Variants in PAX5 observed in about 807,000 individuals in gnomAD.
PAX5 encodes paired box 5.
Under a neutral mutation model 43.7 loss-of-function variants are expected in PAX5, and 9 were observed. The observed-to-expected ratio is 0.21, with a 90% CI of 0.12 to 0.36. PAX5 has a LOEUF of 0.36. Ranked by LOEUF, PAX5 falls within the 10% of genes least tolerant of loss-of-function variation. PAX5 has a pLI of 1.00. For missense variants in PAX5, 383 were observed against 532.7 expected, an observed-to-expected ratio of 0.72 and a Z score of 2.77; for synonymous variants, 228 against 214.3, an observed-to-expected ratio of 1.06 and a Z score of -0.56.
chr9:36,934,354 T>C (rs1287443004), intron 6 of PAX5, among the ~76,000 whole-genome samples: 2 of 152,226 alleles, frequency 1.3e-5, no homozygotes, highest in African/African-American at 2.4e-5. Flanking sequence ...ATAAATACTT[T>C]GAAAATGTCT....
At position 36,984,435 on chromosome 9, in the gene PAX5, C is replaced by CTTTTTTTTTTTTTTT. The variant is rs10663927; in HGVS notation, c.605-17726_605-17712dup. Among the ~76,000 whole-genome samples, 7 of 66,882 alleles carry CTTTTTTTTTTTTTTT rather than the reference C, an allele frequency of 1.0e-4. 2 individuals carry two copies. Among genetic ancestry groups the CTTTTTTTTTTTTTTT allele is most frequent in the African/African-American group, 1.3e-4 (2 of 15,110 alleles). 43.9% of individuals were successfully genotyped at this position (66,882 alleles called of 152,430 possible). A position where few individuals can be genotyped will look rare whatever the true frequency, so the allele number is the denominator to read the frequency against. Reference sequence around the variant, plus strand: ...GCCCTGGATTGGTTATTGAACCTCTCTTTTTTTTTTTTTTTTTTTTTTGAG... The same window carrying CTTTTTTTTTTTTTTT: ...GCCCTGGATTGGTTATTGAACCTCTCTTTTTTTTTTTTTTTTTTTTTTTTTTTTTTTTTTTTTGAG... On this transcript the variant is annotated intron_variant, in intron 5 of 9. Transcript: ENST00000358127.
chr9:36,844,404 T>C (rs995848272), intron 9 of PAX5, among the ~76,000 whole-genome samples: 3 of 152,210 alleles, frequency 2.0e-5, no homozygotes, highest in Admixed American at 6.5e-5. Context: ...CTGAGCCTCA[T>C]TGTCCTCTTC....
At chr9:36,939,639 T>C (rs1360115796) in intron 6 of PAX5, among the ~76,000 whole-genome samples, 1 of 152,218 alleles carries the variant, frequency 6.6e-6, no homozygotes, top group African/African-American at 2.4e-5. Flanking sequence ...TTGGAGATTA[T>C]GAAGTATGGC....
At chr9:36,894,262 C>T (rs2131828444) in intron 7 of PAX5, among the ~76,000 whole-genome samples, 1 of 152,334 alleles carries the variant, frequency 6.6e-6, no homozygotes, top group South Asian at 2.1e-4. Flanking sequence ...GTTTGCCCAG[C>T]ACCTCTTGCC....
At position 36,840,169 on chromosome 9, in the gene PAX5, A is replaced by C; in HGVS notation, c.*391T>G. The C allele has an allele frequency of 2.5e-6, 1 of 403,392 alleles. No individual in the cohort carries two copies. Among genetic ancestry groups the C allele is most frequent in the Non-Finnish European group, 4.5e-6 (1 of 219,850 alleles). 25.0% of individuals were successfully genotyped at this position (403,392 alleles called of 1,614,324 possible). A position where few individuals can be genotyped will look rare whatever the true frequency, so the allele number is the denominator to read the frequency against. On this transcript the variant is annotated 3_prime_UTR_variant, in exon 10 of 10. Transcript: ENST00000358127. ...CAGGCCCACAGAAAAGCAAGAAGGT[A>C]TTTACATGGGTGCTGCTGAAGCAAC...
rs114925098 is a variant in PAX5 at position 36,893,765 on chromosome 9, C to T, written c.911-11660G>A. Among the ~76,000 whole-genome samples the T allele has an allele frequency of 7.8e-3, 1,182 of 152,282 alleles. 12 individuals carry two copies. The highest frequency in any genetic ancestry group is 0.027 in the African/African-American group (1,137 of 41,568). ...TGGGGTACTTGGTGGAAGGATGAGC[C>T]GCCCACTTACAGACGTGCAGAGCCT... is the stretch of plus-strand genomic sequence containing the variant. On this transcript the variant is annotated intron_variant, in intron 7 of 9. Coordinates refer to ENST00000358127, the MANE Select transcript of PAX5 (RefSeq NM_016734.3).
At chr9:36,996,256 G>A (rs1000953771) in intron 5 of PAX5, among the ~76,000 whole-genome samples, 3 of 152,378 alleles carry the variant, frequency 2.0e-5, no homozygotes, top group Admixed American at 6.5e-5. Context: ...CTACAGCCAG[G>A]CCCTGGGGCC....
At position 36,882,433 on chromosome 9, in the gene PAX5, C is replaced by A. The variant is rs941244354; in HGVS notation, c.911-328G>T. On this transcript the variant is annotated intron_variant, in intron 7 of 9. Coordinates refer to ENST00000358127, the MANE Select transcript of PAX5 (RefSeq NM_016734.3). This position sits in a 1 kb window ranked among gnomAD's most constrained non-coding sequence, Gnocchi z 4.4. The stretch of plus-strand genomic sequence containing the variant: ...GGTGACAGCACGCCCCGACTCCAGC[C>A]AGCTCTCCCTACTCTCTACTCCCCA... Among the ~76,000 whole-genome samples, 2 of 152,162 alleles carry A rather than the reference C, an allele frequency of 1.3e-5. No homozygotes were observed. Among genetic ancestry groups the A allele is most frequent in the African/African-American group, 4.8e-5 (2 of 41,426 alleles).
chr9:36,870,332 G>A (rs932276180), intron 8 of PAX5, among the ~76,000 whole-genome samples: 1 of 152,054 alleles, frequency 6.6e-6, no homozygotes, highest in Non-Finnish European at 1.5e-5. Flanking sequence ...CTATAATAAT[G>A]ATACTTTTCA....
chr9:37,014,929 A>G, intron 3 of PAX5, 68 bp downstream of exon 3: 1 of 1,424,812 alleles, frequency 7.0e-7, no homozygotes, highest in Non-Finnish European at 9.8e-7. Context: ...GGAAAGGCAC[A>G]TGCAGAGCCT....
chr9:37,025,651 G>C (rs1840269401), intron 1 of PAX5, among the ~76,000 whole-genome samples: 1 of 152,340 alleles, frequency 6.6e-6, no homozygotes, highest in Non-Finnish European at 1.5e-5. Context: ...CACCGTGAGA[G>C]GAGCGCTCAT....
At chr9:37,003,856 A>G (rs934643986) in intron 4 of PAX5, among the ~76,000 whole-genome samples, 17 of 152,220 alleles carry the variant, frequency 1.1e-4, no homozygotes, top group African/African-American at 4.1e-4. Context: ...AATAAAAAAT[A>G]AAAGAGACAG....
intron 7 of PAX5, among the ~76,000 whole-genome samples, chr9:36,888,271 C>T (rs192060287): frequency 6.6e-6 from 1 of 152,324 alleles, no homozygotes; most frequent in East Asian, 1.9e-4. Flanking sequence ...TAGGTGTACA[C>T]CCCAGAGAAA....
chr9:36,958,702 T>C (rs1406601047), intron 6 of PAX5, among the ~76,000 whole-genome samples: 1 of 150,630 alleles, frequency 6.6e-6, no homozygotes, highest in African/African-American at 2.4e-5. Context: ...GATTGGATCC[T>C]GATATTCCCT....
chr9:36,953,162 A>T (rs1183171635), intron 6 of PAX5, among the ~76,000 whole-genome samples: 4 of 151,784 alleles, frequency 2.6e-5, no homozygotes, highest in African/African-American at 9.7e-5. Flanking sequence ...TTAATATGTC[A>T]CTCCACTCTC....
intron 3 of PAX5, among the ~76,000 whole-genome samples, chr9:37,006,973 C>T (rs1337819048): frequency 3.9e-5 from 6 of 152,192 alleles, no homozygotes; most frequent in Non-Finnish European, 8.8e-5. Context: ...GGTAATCTCT[C>T]TGTCCTCTGG....
chr9:36,927,842 G>A (rs540627745), intron 6 of PAX5, among the ~76,000 whole-genome samples: 76 of 152,216 alleles, frequency 5.0e-4, no homozygotes, highest in Non-Finnish European at 8.4e-4. Flanking sequence ...CCAAGTGGCT[G>A]GGATTACAGA....
chr9:36,951,712 T>G (rs1833027689), intron 6 of PAX5, among the ~76,000 whole-genome samples: 1 of 152,236 alleles, frequency 6.6e-6, no homozygotes. Context: ...TCAAATATTT[T>G]TATTTATTTC....
intron 6 of PAX5, among the ~76,000 whole-genome samples, chr9:36,941,196 G>A (rs987640673): frequency 2.6e-5 from 4 of 152,232 alleles, no homozygotes; most frequent in Non-Finnish European, 5.9e-5. Flanking sequence ...ACCCATCACA[G>A]ACCCTGGCTT....
Sources: gnomAD v4.1 joint callset for allele counts (sites outside exome capture counted in the v4.1 genomes callset) on GRCh38, gnomAD v4.1.1 for gene constraint, Gnocchi (gnomAD v3.1) non-coding constraint, MANE v1.5 for transcripts, NCBI Gene and HGNC (gene_info 2026-07-23, HGNC 2026-07-21) for gene names.